RGS6: variants seen among roughly 807,000 people sequenced by gnomAD.
RGS6 encodes the protein regulator of G protein signaling 6.
Under a neutral mutation model 78.5 loss-of-function variants are expected in RGS6, and 30 were observed. The observed-to-expected ratio is 0.38, with a 90% CI of 0.29 to 0.52. The LOEUF is 0.52. Among genes scored for constraint, RGS6 ranks in the 20% least tolerant of loss-of-function variants. The pLI, the probability that RGS6 is intolerant of heterozygous loss-of-function variation, is 0.85. For synonymous variants in RGS6, 206 were observed against 206.0 expected (o/e 1.00, Z 0.00); for missense variants, 495 against 609.7 (o/e 0.81, Z 1.98).
At chr14:72,222,723 A>G (rs1000943394) in intron 2 of RGS6, among the ~76,000 whole-genome samples, 2 of 152,248 alleles carry the variant, frequency 1.3e-5, no homozygotes, top group African/African-American at 4.8e-5. Flanking sequence ...TAAGATGTAC[A>G]TCTGACTAAT....
rs2097707008 is a variant in RGS6, at chr14:72,565,687, T to G, written c.*3220T>G. 6.6e-6 allele frequency: 1 copy of G among 152,198 alleles called. No individual in the cohort carries two copies. Among genetic ancestry groups the G allele is most frequent in the Non-Finnish European group, 1.5e-5 (1 of 68,040 alleles). 9.4% of individuals were successfully genotyped at this position (152,198 alleles called of 1,614,324 possible). A position where few individuals can be genotyped will look rare whatever the true frequency, so the allele number is the denominator to read the frequency against. ...CATGGGGACATGCTCCAGGGGCTTC[T>G]TCCCTGGCAGGATTCCTGGGATTTC... On this transcript the variant is annotated 3_prime_UTR_variant, in exon 18 of 18. Coordinates refer to ENST00000553525, the MANE Select transcript of RGS6 (RefSeq NM_001204424.2).
chr14:72,094,962 C>A (rs1286579295), intron 2 of RGS6, among the ~76,000 whole-genome samples: 1 of 152,056 alleles, frequency 6.6e-6, no homozygotes, highest in Non-Finnish European at 1.5e-5. Flanking sequence ...AACCACTGTG[C>A]TTTTGAAAGC....
intron 2 of RGS6, among the ~76,000 whole-genome samples, chr14:71,977,695 G>A (rs1322254946): frequency 1.3e-5 from 2 of 150,992 alleles, no homozygotes; most frequent in Admixed American, 1.3e-4. Context: ...GTCAGGTAGT[G>A]TGATGCCTCC....
chr14:72,445,177 T>C (rs4903021), intron 3 of RGS6, among the ~76,000 whole-genome samples: 1 of 152,244 alleles, frequency 6.6e-6, no homozygotes, highest in East Asian at 1.9e-4. Flanking sequence ...TTGTTGAGAT[T>C]TCTCTGTTTT....
chr14:72,418,680 G>A (rs1293726038), intron 3 of RGS6, among the ~76,000 whole-genome samples: 1 of 152,182 alleles, frequency 6.6e-6, no homozygotes, highest in African/African-American at 2.4e-5. Context: ...CATGGAAGGT[G>A]CCTGGAAATG....
intron 3 of RGS6, among the ~76,000 whole-genome samples, chr14:72,414,718 G>A (rs796587098): frequency 3.3e-5 from 5 of 152,062 alleles, no homozygotes; most frequent in African/African-American, 9.6e-5. Context: ...CTTTGATGAT[G>A]GTGATGTTTT....
intron 17 of RGS6, among the ~76,000 whole-genome samples, chr14:72,552,375 C>T (rs146275545): frequency 1.3e-5 from 2 of 152,312 alleles, no homozygotes; most frequent in Non-Finnish European, 2.9e-5. Flanking sequence ...GGGGGCTTGT[C>T]AGCCTGTAAG....
At chr14:72,016,743 T>A (rs2087081712) in intron 2 of RGS6, among the ~76,000 whole-genome samples, 2 of 152,220 alleles carry the variant, frequency 1.3e-5, no homozygotes, top group South Asian at 4.1e-4. Flanking sequence ...TTGGGTAGTT[T>A]AAGTTTCACT....
At chr14:72,362,807 G>A (rs565067876) in intron 3 of RGS6, among the ~76,000 whole-genome samples, 7 of 152,322 alleles carry the variant, frequency 4.6e-5, no homozygotes, top group African/African-American at 1.7e-4. Flanking sequence ...TGTAGGAGTG[G>A]CAACATCATG....
intron 2 of RGS6, among the ~76,000 whole-genome samples, chr14:72,239,359 G>T (rs2052110624): frequency 6.6e-6 from 1 of 152,158 alleles, no homozygotes; most frequent in Admixed American, 6.5e-5. Flanking sequence ...TAATGCACCT[G>T]CCCAGGAAGT....
At chr14:72,414,069 G>T (rs1385709306) in intron 3 of RGS6, among the ~76,000 whole-genome samples, 2 of 152,120 alleles carry the variant, frequency 1.3e-5, no homozygotes, top group African/African-American at 4.8e-5. Flanking sequence ...TTCTCAAGGA[G>T]TATCTTTGTG....
At position 72,187,582 on chromosome 14, in the gene RGS6, AT is replaced by A. The variant is rs2097264061; in HGVS notation, c.85-164512del. Among the ~76,000 whole-genome samples the A allele has an allele frequency of 2.0e-5, 3 of 152,150 alleles. 1 individual carries two copies. Among genetic ancestry groups the A allele is most frequent in the South Asian group, 4.1e-4 (2 of 4,828 alleles). On this transcript the variant is annotated intron_variant, in intron 2 of 17. Transcript: ENST00000553525. ...GGGACAGGCTTGAAATTTCAGTCAA[AT>A]ATCAATCCAGCATGAAGGAGGACAC...
At chr14:72,022,785 T>A (rs2088971166) in intron 2 of RGS6, among the ~76,000 whole-genome samples, 1 of 152,210 alleles carries the variant, frequency 6.6e-6, no homozygotes, top group Admixed American at 6.5e-5. Flanking sequence ...GGAATAATAT[T>A]TGAGATCTTT....
chr14:71,905,882 C>T, the RGS6 span, among the ~76,000 whole-genome samples: 1 of 152,188 alleles, frequency 6.6e-6, no homozygotes, highest in African/African-American at 2.4e-5. Context: ...GGCAGCACCA[C>T]ATCTGGGTCT....
chr14:72,265,189 A>G (rs916871330), intron 2 of RGS6, among the ~76,000 whole-genome samples: 4 of 152,160 alleles, frequency 2.6e-5, no homozygotes, highest in Admixed American at 2.6e-4. Flanking sequence ...TTTGGATTTG[A>G]TTGAATTAGT....
chr14:72,468,700 A>G (rs773016305), intron 7 of RGS6, among the ~76,000 whole-genome samples: 3 of 151,904 alleles, frequency 2.0e-5, no homozygotes, highest in African/African-American at 7.3e-5. Context: ...CGGGGTCTTT[A>G]CCATGTCAGT....
At chr14:72,513,218 C>T (rs2096900252) in intron 14 of RGS6, among the ~76,000 whole-genome samples, 1 of 152,186 alleles carries the variant, frequency 6.6e-6, no homozygotes, top group East Asian at 1.9e-4. Context: ...CACGGGGTGC[C>T]AGTTAAGTAG....
intron 3 of RGS6, among the ~76,000 whole-genome samples, chr14:72,396,135 T>G (rs1273988834): frequency 3.3e-5 from 5 of 152,206 alleles, no homozygotes; most frequent in Non-Finnish European, 5.9e-5. Context: ...TTGAACTAGT[T>G]TACAGTCCCA....
chr14:72,462,356 A>G (rs1337862092), intron 6 of RGS6, among the ~76,000 whole-genome samples: 1 of 152,194 alleles, frequency 6.6e-6, no homozygotes, highest in Non-Finnish European at 1.5e-5. Context: ...AAGTAGAGAC[A>G]TTTAGAATGG....
Sources: gnomAD v4.1 joint callset for allele counts (sites outside exome capture counted in the v4.1 genomes callset) on GRCh38, gnomAD v4.1.1 for gene constraint, MANE v1.5 for transcripts, NCBI Gene and HGNC (gene_info 2026-07-23, HGNC 2026-07-21) for gene names.